The following FREM2 variants were observed in gnomAD, a reference collection of about 807,000 sequenced individuals.
The protein encoded by FREM2 is FRAS1 related extracellular matrix 2, also known as FRAS1-related extracellular matrix protein 2.
In FREM2, 119 loss-of-function variants were observed where a neutral mutation model predicts 219.9. The ratio of observed to expected loss-of-function variants is 0.54; its 90% CI spans 0.47 to 0.63. The LOEUF (loss-of-function observed/expected upper bound fraction) is 0.63, where lower values mean the gene tolerates loss of function less well. FREM2 is among the 30% of genes least tolerant of loss of function. The pLI is 0.00. For synonymous variants in FREM2, 1,562 were observed against 1,522.8 expected, an observed-to-expected ratio of 1.03 and a Z score of -0.60; for missense variants, 4,030 against 3,993.6, an observed-to-expected ratio of 1.01 and a Z score of -0.25.
At chr13:38,797,518 GATAA>G (rs575935827) in intron 6 of FREM2, among the ~76,000 whole-genome samples, 86 of 152,094 alleles carry the variant, frequency 5.7e-4, no homozygotes, top group African/African-American at 1.9e-3. Flanking sequence ...TTCCTTGTCA[GATAA>G]ATAGTTTGCA....
intron 2 of FREM2, among the ~76,000 whole-genome samples, chr13:38,709,756 A>T (rs1474361670): frequency 6.6e-6 from 1 of 150,876 alleles, no homozygotes; most frequent in African/African-American, 2.4e-5. Flanking sequence ...CCGTGATTTG[A>T]CACAGATACT....
intron 4 of FREM2, among the ~76,000 whole-genome samples, chr13:38,780,043 T>C (rs1874054947): frequency 6.6e-6 from 1 of 152,178 alleles, no homozygotes; most frequent in Admixed American, 6.5e-5. Flanking sequence ...CCCTGTGTGA[T>C]TTTATTTTGA....
At chr13:38,727,404 G>A (rs1004997579) in intron 2 of FREM2, among the ~76,000 whole-genome samples, 2 of 152,162 alleles carry the variant, frequency 1.3e-5, no homozygotes, top group Admixed American at 1.3e-4. Context: ...ACTTGAACAT[G>A]GGAGGTGGAG....
rs1838915752 is a variant in FREM2 at position 38,689,616 on chromosome 13, C to T, written c.2272C>T (p.Leu758=). The T allele has an allele frequency of 6.2e-7, 1 of 1,613,742 alleles. No homozygotes were observed. The highest frequency in any genetic ancestry group is 8.5e-7 in the Non-Finnish European group (1 of 1,179,898). The change falls in exon 1 of 24, where the codon CTG becomes TTG. Residue 758 remains leucine (L), a synonymous_variant. Transcript: ENST00000280481. ...DTDENHLPAP[L]GTLVLTDNPS... ...AGACGAAAATCACCTGCCAGCCCCA[C>T]TGGGTACCTTGGTCTTGACTGACAA...
chr13:38,687,845 A>G lies in FREM2; in HGVS notation c.501A>G (p.Pro167=), dbSNP rs1263743447. Residue 167 remains proline, a synonymous_variant, in exon 1 of 24, where the codon CCA becomes CCG. Transcript: ENST00000280481. ...CGCCCGGAGGGGCAGTAGTGCTACC[A>G]CTGGTACTGGAGGTGGAGGTGGTCT... is the stretch of plus-strand genomic sequence containing the variant. ...YDAPGGAVVL[P]LVLEVEVVFT... is the part of the protein sequence containing the mutation. The G allele has an allele frequency of 3.2e-6, 5 of 1,561,842 alleles. No individual in the cohort carries two copies. Among genetic ancestry groups the G allele is most frequent in the Non-Finnish European group, 4.3e-6 (5 of 1,149,646 alleles).
chr13:38,832,602 C>T (rs978643897), intron 6 of FREM2, among the ~76,000 whole-genome samples: 1 of 151,770 alleles, frequency 6.6e-6, no homozygotes, highest in African/African-American at 2.4e-5. Flanking sequence ...TTATACATAC[C>T]ATTCTCTATC....
At chr13:38,797,849 A>G (rs1874854638) in intron 6 of FREM2, among the ~76,000 whole-genome samples, 1 of 152,124 alleles carries the variant, frequency 6.6e-6, no homozygotes, top group Non-Finnish European at 1.5e-5. Context: ...TCTTCTGCAT[A>G]TAGATATCCA....
At chr13:38,811,681 T>C (rs971108291) in intron 6 of FREM2, among the ~76,000 whole-genome samples, 2 of 152,136 alleles carry the variant, frequency 1.3e-5, no homozygotes, top group Non-Finnish European at 2.9e-5. Context: ...ATTATTTCAA[T>C]TTTTTTGACT....
chr13:38,773,340 T>A (rs952791072), intron 4 of FREM2, among the ~76,000 whole-genome samples: 2 of 152,058 alleles, frequency 1.3e-5, no homozygotes, highest in African/African-American at 4.8e-5. Flanking sequence ...CTGACCCTCA[T>A]GTAAAGAGTG....
At chr13:38,877,996 C>T (rs1278088587) in intron 21 of FREM2, 138 bp from the exon 22 acceptor site, 5 of 755,394 alleles carry the variant, frequency 6.6e-6, no homozygotes, top group Admixed American at 2.0e-5. Context: ...CTCATGCAAA[C>T]AGGCCTTCAA....
intron 2 of FREM2, among the ~76,000 whole-genome samples, chr13:38,747,139 C>T (rs944928167): frequency 9.9e-5 from 15 of 152,042 alleles, no homozygotes; most frequent in African/African-American, 2.2e-4. Flanking sequence ...AAAAGGGAGG[C>T]GAGAGAGTAA....
intron 2 of FREM2, among the ~76,000 whole-genome samples, chr13:38,724,151 C>A (rs9548438): frequency 6.6e-6 from 1 of 151,992 alleles, no homozygotes; most frequent in South Asian, 2.1e-4. Flanking sequence ...TGTTTTCTTG[C>A]ATCTAAAACT....
intron 2 of FREM2, among the ~76,000 whole-genome samples, chr13:38,707,917 A>C (rs1384101536): frequency 6.6e-6 from 1 of 152,142 alleles, no homozygotes; most frequent in African/African-American, 2.4e-5. Flanking sequence ...TTGCCACCTA[A>C]ACCTCAGGGT....
At chr13:38,865,444 A>G (rs1200001147) in intron 16 of FREM2, among the ~76,000 whole-genome samples, 1 of 152,244 alleles carries the variant, frequency 6.6e-6, no homozygotes, top group African/African-American at 2.4e-5. Context: ...ATAAGGAGTT[A>G]CATAAGTAGG....
intron 6 of FREM2, among the ~76,000 whole-genome samples, chr13:38,786,256 G>T (rs1263073130): frequency 6.6e-6 from 1 of 151,994 alleles, no homozygotes; most frequent in Non-Finnish European, 1.5e-5. Flanking sequence ...GTATCATTGT[G>T]CTTTATCATC....
intron 6 of FREM2, 96 bp from the exon 7 acceptor site, chr13:38,846,477 C>T (rs1336734669): frequency 3.1e-5 from 40 of 1,309,186 alleles, no homozygotes; most frequent in Non-Finnish European, 4.2e-5. Flanking sequence ...AAGGAAGTCC[C>T]TAAGAGGAAG....
intron 2 of FREM2, among the ~76,000 whole-genome samples, chr13:38,748,923 A>G (rs577583589): frequency 1.3e-5 from 2 of 152,322 alleles, no homozygotes; most frequent in East Asian, 3.9e-4. Flanking sequence ...ATGTGTGTGC[A>G]GGTACATGTG....
At chr13:38,774,158 T>C (rs950605438) in intron 4 of FREM2, among the ~76,000 whole-genome samples, 7 of 152,222 alleles carry the variant, frequency 4.6e-5, no homozygotes, top group Admixed American at 4.6e-4. Context: ...ACTTATCTTG[T>C]ATATGAAAAC....
chr13:38,790,610 A>C (rs905854723), intron 6 of FREM2, among the ~76,000 whole-genome samples: 3 of 152,178 alleles, frequency 2.0e-5, no homozygotes, highest in Non-Finnish European at 4.4e-5. Context: ...TTGTACCATC[A>C]GTTCTCATGT....
Sources: allele counts gnomAD v4.1 joint callset (sites outside exome capture counted in the v4.1 genomes callset), GRCh38; gene constraint gnomAD v4.1.1; transcripts MANE v1.5; gene names NCBI Gene and HGNC (gene_info 2026-07-23, HGNC 2026-07-21).